Variants in PUDP observed in about 807,000 individuals in gnomAD.
The protein encoded by PUDP is pseudouridine 5'-phosphatase, also known as pseudouridine-5'-phosphatase.
PUDP carries 8 observed loss-of-function variants against 9.4 expected under a neutral mutation model. That is an observed-to-expected ratio of 0.85 (90% CI 0.50 to 1.53). The LOEUF (loss-of-function observed/expected upper bound fraction) is 1.53. Ranked by LOEUF, PUDP falls within the 40% of genes most tolerant of loss-of-function variation. The pLI is 0.00. For synonymous variants in PUDP, 99 were observed against 80.7 expected (o/e 1.23, Z -1.22); for missense variants, 188 against 189.7 (o/e 0.99, Z 0.05).
chrX:7,142,904 G>A (rs1488063515), intron 1 of PUDP, among the ~76,000 whole-genome samples: 1 of 111,156 alleles, frequency 9.0e-6, no homozygotes, highest in African/African-American at 3.3e-5. Flanking sequence ...GCCTGCCTCT[G>A]CCTCCCAAAG....
At chrX:6,887,888 C>T (rs1927453007) in intron 3 of PUDP, among the ~76,000 whole-genome samples, 1 of 110,548 alleles carries the variant, frequency 9.0e-6, no homozygotes, top group South Asian at 3.9e-4. Flanking sequence ...GGAAACAGAC[C>T]CTGGAATTTT....
At position 6,746,034 on chromosome X, in the gene PUDP, G is replaced by A. The variant is rs73457839; in HGVS notation, c.*248-39568C>T. 6.1e-3 allele frequency among the ~76,000 whole-genome samples: 683 copies of A among 112,027 alleles called. 4 individuals are homozygous for A. Among genetic ancestry groups the A allele is most frequent in the African/African-American group, 0.021 (651 of 30,812 alleles). Reference sequence around the variant, plus strand: ...TCCACTGATCACAAAGCCCCCCTGGGGCTGTGGCTTAGGAATTGAAACAAC... The same window carrying A: ...TCCACTGATCACAAAGCCCCCCTGGAGCTGTGGCTTAGGAATTGAAACAAC... On this transcript the variant is annotated intron_variant and NMD_transcript_variant, in intron 3 of 3. Coordinates refer to the PUDP transcript ENST00000655425.
intron 3 of PUDP, among the ~76,000 whole-genome samples, chrX:6,965,268 G>A (rs1173840167): frequency 4.3e-5 from 3 of 70,356 alleles, no homozygotes; most frequent in East Asian, 4.6e-4. Flanking sequence ...CAGGCTTAAC[G>A]CAACTCTAAG....
intron 1 of PUDP, among the ~76,000 whole-genome samples, chrX:6,999,276 C>T (rs1165378201): frequency 2.7e-5 from 3 of 111,504 alleles, no homozygotes; most frequent in Non-Finnish European, 5.6e-5. Context: ...ATGTCTTTAA[C>T]GCCACCTATA....
chrX:7,044,190 G>A (rs181168567), downstream of PUDP, among the ~76,000 whole-genome samples: 5 of 112,701 alleles, frequency 4.4e-5, no homozygotes, highest in Admixed American at 2.8e-4. Flanking sequence ...TGAGGGAGCC[G>A]TTTCATGCCT....
chrX:6,728,025 T>C (rs1307331887), intron 3 of PUDP, among the ~76,000 whole-genome samples: 2 of 111,454 alleles, frequency 1.8e-5, no homozygotes, highest in Non-Finnish European at 3.8e-5. Flanking sequence ...GGGGAATTTA[T>C]AAAGAAAAAG....
At chrX:6,799,199 A>T (rs1602624235) in intron 3 of PUDP, among the ~76,000 whole-genome samples, 1 of 112,376 alleles carries the variant, frequency 8.9e-6, no homozygotes, top group Non-Finnish European at 1.9e-5. Flanking sequence ...GTTCACAATG[A>T]TGTAGTAGAA....
At chrX:7,104,896 A>G (rs957901068) in intron 2 of PUDP, among the ~76,000 whole-genome samples, 3 of 112,308 alleles carry the variant, frequency 2.7e-5, no homozygotes, top group South Asian at 3.7e-4. Flanking sequence ...GATTACTCAC[A>G]TAACTGCTGT....
chrX:7,094,184 G>A (rs766219393), intron 2 of PUDP, among the ~76,000 whole-genome samples: 47 of 110,595 alleles, frequency 4.2e-4, no homozygotes, highest in Non-Finnish European at 8.1e-4. Context: ...CTCCACATGC[G>A]CAGTGAGGTA....
chrX:6,951,436 G>A (rs1928558597), intron 3 of PUDP, among the ~76,000 whole-genome samples: 1 of 111,460 alleles, frequency 9.0e-6, no homozygotes, highest in African/African-American at 3.3e-5. Flanking sequence ...GGGATCCTAT[G>A]GCTCTAGTTC....
At chrX:6,725,940 T>C (rs1924733697), upstream of PUDP, among the ~76,000 whole-genome samples, 1 of 111,901 alleles carries the variant, frequency 8.9e-6, no homozygotes, top group Non-Finnish European at 1.9e-5. Context: ...AAAGAAATCA[T>C]TGTATCAAAA....
At chrX:6,830,818 A>G (rs1926492949) in intron 3 of PUDP, among the ~76,000 whole-genome samples, 1 of 112,349 alleles carries the variant, frequency 8.9e-6, no homozygotes, top group Non-Finnish European at 1.9e-5. Flanking sequence ...AATATACTTT[A>G]AGTTTAAAAT....
chrX:6,892,500 C>T (rs1251113849), intron 3 of PUDP, among the ~76,000 whole-genome samples: 1 of 111,030 alleles, frequency 9.0e-6, no homozygotes, highest in Non-Finnish European at 1.9e-5. Flanking sequence ...CTTTATAAAA[C>T]CAACAGCTCT....
At chrX:6,964,293 C>A (rs1180133990) in intron 3 of PUDP, among the ~76,000 whole-genome samples, 1 of 112,262 alleles carries the variant, frequency 8.9e-6, no homozygotes, top group Admixed American at 9.5e-5. Flanking sequence ...TTCAGGAGAA[C>A]TAAGCCATTG....
chrX:6,761,731 C>T (rs1369533999), intron 3 of PUDP, among the ~76,000 whole-genome samples: 1 of 112,082 alleles, frequency 8.9e-6, no homozygotes, highest in Non-Finnish European at 1.9e-5. Flanking sequence ...GCACAGCAGC[C>T]GCATTGCCTT....
At chrX:6,845,641 T>C (rs768234934) in intron 3 of PUDP, among the ~76,000 whole-genome samples, 1 of 109,729 alleles carries the variant, frequency 9.1e-6, no homozygotes, top group African/African-American at 3.3e-5. Context: ...GCATGAAGGA[T>C]TGTGTTCCCT....
At chrX:7,137,613 A>G (rs1356561636) in intron 1 of PUDP, among the ~76,000 whole-genome samples, 1 of 112,410 alleles carries the variant, frequency 8.9e-6, no homozygotes, top group Non-Finnish European at 1.9e-5. Context: ...CAAAGCCATG[A>G]GTGTCCTTCA....
chrX:6,756,163 C>T (rs931525888), intron 3 of PUDP, among the ~76,000 whole-genome samples: 2 of 110,590 alleles, frequency 1.8e-5, no homozygotes, highest in Admixed American at 9.7e-5. Context: ...TTTCAGAAAA[C>T]AGTCTAGTAG....
At chrX:6,836,481 A>C (rs752652823) in intron 3 of PUDP, among the ~76,000 whole-genome samples, 1 of 112,117 alleles carries the variant, frequency 8.9e-6, no homozygotes, top group South Asian at 3.7e-4. Context: ...TCGTTGCCTC[A>C]TGGTTTGGTA....
Sources: gnomAD v4.1 joint callset for allele counts (sites outside exome capture counted in the v4.1 genomes callset) on GRCh38, gnomAD v4.1.1 for gene constraint, MANE v1.5 for transcripts, NCBI Gene and HGNC (gene_info 2026-07-23, HGNC 2026-07-21) for gene names.